The following SEMA3D variants were observed in gnomAD, a reference collection of about 807,000 sequenced individuals.
SEMA3D encodes the protein semaphorin 3D.
A neutral mutation model predicts 100.1 loss-of-function variants in SEMA3D; 84 were observed. The observed-to-expected ratio is 0.84, with a 90% CI of 0.70 to 1.01. SEMA3D has a LOEUF of 1.01. Among genes scored for constraint, SEMA3D ranks in the 50% least tolerant of loss-of-function variants. The probability of loss-of-function intolerance (pLI) is 0.00; values close to 1 mark genes in which losing one functional copy is unlikely to be tolerated. For missense variants in SEMA3D, 875 were observed against 934.1 expected, an observed-to-expected ratio of 0.94 and a Z score of 0.82; for synonymous variants, 312 against 320.7, an observed-to-expected ratio of 0.97 and a Z score of 0.29.
chr7:85,185,415 T>A (rs1466023672), intron 1 of SEMA3D, among the ~76,000 whole-genome samples: 1 of 151,740 alleles, frequency 6.6e-6, no homozygotes, highest in African/African-American at 2.4e-5. Flanking sequence ...AAAGTTTAGG[T>A]CTTCTCCCCT....
the SEMA3D span, among the ~76,000 whole-genome samples, chr7:85,216,230 G>T: frequency 0.31 from 47,666 of 151,802 alleles, 8,324 homozygotes; most frequent in African/African-American, 0.49. Flanking sequence ...CATTCATTTT[G>T]GAGAAAGTTT....
At chr7:85,241,675 A>G in the SEMA3D span, among the ~76,000 whole-genome samples, 1 of 150,926 alleles carries the variant, frequency 6.6e-6, no homozygotes, top group Non-Finnish European at 1.5e-5. Context: ...CAGTGGGGAA[A>G]GGGTAGGAAG....
At chr7:85,112,253 G>T (rs1263419482) in intron 3 of SEMA3D, among the ~76,000 whole-genome samples, 2 of 152,098 alleles carry the variant, frequency 1.3e-5, no homozygotes, top group Admixed American at 6.6e-5. Context: ...TACAGAAAAA[G>T]ATATAGCCTT....
chr7:85,220,742 T>C, the SEMA3D span, among the ~76,000 whole-genome samples: 2 of 152,150 alleles, frequency 1.3e-5, no homozygotes, highest in Non-Finnish European at 2.9e-5. Flanking sequence ...GAAACAGTGC[T>C]ATTTAAAAGA....
Position 85,072,502 on chromosome 7 carries a change from A to C in SEMA3D, c.495+460T>G, listed in dbSNP as rs145809090. On this transcript the variant is annotated intron_variant, in intron 6 of 18. Coordinates refer to ENST00000284136, the MANE Select transcript of SEMA3D (RefSeq NM_001384900.1). ...ACATACTATGTATATCTAGTTAAAA[A>C]GGAAAGTCAAGAGAATATAAAGACA... Among the ~76,000 whole-genome samples, 567 of 152,350 alleles carry C rather than the reference A, an allele frequency of 3.7e-3. 4 individuals are homozygous for C. Among genetic ancestry groups the C allele is most frequent in the African/African-American group, 0.013 (551 of 41,580 alleles).
Position 84,996,288 on chromosome 7 carries a change from A to T in SEMA3D, c.*3152T>A, listed in dbSNP as rs1187987103. The T allele has an allele frequency of 6.6e-6, 1 of 152,054 alleles. No individual in the cohort carries two copies. The highest frequency in any genetic ancestry group is 1.5e-5 in the Non-Finnish European group (1 of 67,894). 9.4% of individuals were successfully genotyped at this position (152,054 alleles called of 1,614,324 possible). ...AGTCTGTAAAATTCAGCAGGAACAA[A>T]ACATACTAGAATATGAAGAACCAAA... On this transcript the variant is annotated 3_prime_UTR_variant, in exon 19 of 19. Transcript: ENST00000284136.
At chr7:85,007,099 T>C (rs1020884568) in intron 17 of SEMA3D, among the ~76,000 whole-genome samples, 158 bp from the exon 18 acceptor site, 1 of 151,906 alleles carries the variant, frequency 6.6e-6, no homozygotes, top group Admixed American at 6.6e-5. Flanking sequence ...GAGACAAATA[T>C]TACACAACAG....
intron 1 of SEMA3D, among the ~76,000 whole-genome samples, chr7:85,185,067 G>A (rs1486168836): frequency 1.3e-5 from 2 of 151,320 alleles, no homozygotes; most frequent in African/African-American, 4.8e-5. Context: ...AGAGAAGAAG[G>A]AAAAGGAGAA....
intron 9 of SEMA3D, among the ~76,000 whole-genome samples, chr7:85,052,099 A>G (rs896127355): frequency 6.6e-6 from 1 of 151,922 alleles, no homozygotes; most frequent in Non-Finnish European, 1.5e-5. Flanking sequence ...AGAAATCTAC[A>G]TATACACCTA....
intron 15 of SEMA3D, 115 bp from the exon 16 acceptor site, chr7:85,015,331 C>T: frequency 3.4e-6 from 3 of 876,342 alleles, no homozygotes; most frequent in South Asian, 3.5e-5. Context: ...GTGTCCTGCC[C>T]ATTGTAAACA....
chr7:85,242,996 T>C, the SEMA3D span, among the ~76,000 whole-genome samples: 2 of 152,084 alleles, frequency 1.3e-5, no homozygotes, highest in African/African-American at 2.4e-5. Context: ...TATTATATAG[T>C]TTTACGGATA....
intron 12 of SEMA3D, chr7:85,029,358 CA>C: frequency 7.5e-7 from 1 of 1,338,614 alleles, no homozygotes; most frequent in Non-Finnish European, 1.1e-6. Flanking sequence ...AGCAGAGGGA[CA>C]AGGTGTCATC....
chr7:85,072,816 G>GCC, intron 6 of SEMA3D, 146 bp downstream of exon 6: 3 of 619,562 alleles, frequency 4.8e-6, no homozygotes, highest in Non-Finnish European at 5.4e-6. Context: ...TCATCCTCCT[G>GCC]AGTATTGGCA....
intron 18 of SEMA3D, among the ~76,000 whole-genome samples, chr7:85,002,165 C>T (rs923485415): frequency 3.9e-5 from 6 of 152,078 alleles, no homozygotes; most frequent in African/African-American, 1.4e-4. Flanking sequence ...CCCCACAGGA[C>T]TCAGGATTCC....
At chr7:85,052,593 A>G (rs1284591876) in intron 9 of SEMA3D, among the ~76,000 whole-genome samples, 1 of 152,004 alleles carries the variant, frequency 6.6e-6, no homozygotes, top group Admixed American at 6.6e-5. Flanking sequence ...GAACTCAACT[A>G]AAGCACCACT....
chr7:85,026,078 A>G (rs1466549467), intron 12 of SEMA3D, among the ~76,000 whole-genome samples: 1 of 152,006 alleles, frequency 6.6e-6, no homozygotes, highest in Non-Finnish European at 1.5e-5. Flanking sequence ...TCTCCATTTT[A>G]GGGAAACATG....
At position 85,084,244 on chromosome 7, in the gene SEMA3D, A is replaced by G. The variant is rs531658797; in HGVS notation, c.313-2665T>C. On this transcript the variant is annotated intron_variant, in intron 4 of 18. Transcript: ENST00000284136. ...TATCCTCTCACTTTTTCCCCCCTCC[A>G]CTGGTCCAATTTTATTATTATTTTT... is the stretch of plus-strand genomic sequence containing the variant. 6.6e-5 allele frequency among the ~76,000 whole-genome samples: 10 copies of G among 152,206 alleles called. No homozygotes were observed. The South Asian group carries it at 1.7e-3, about 25-fold the overall frequency.
intron 4 of SEMA3D, among the ~76,000 whole-genome samples, chr7:85,086,319 C>T (rs545756819): frequency 6.6e-6 from 1 of 151,830 alleles, no homozygotes; most frequent in South Asian, 2.1e-4. Flanking sequence ...TACATACTAC[C>T]TAGTCATTAA....
At chr7:85,185,438 G>A (rs1791512913) in intron 1 of SEMA3D, among the ~76,000 whole-genome samples, 1 of 151,922 alleles carries the variant, frequency 6.6e-6, no homozygotes, top group East Asian at 1.9e-4. Context: ...TCTTTTGCTT[G>A]TGCAAATAGC....
Sources: gnomAD v4.1 joint callset for allele counts (sites outside exome capture counted in the v4.1 genomes callset) on GRCh38, gnomAD v4.1.1 for gene constraint, MANE v1.5 for transcripts, NCBI Gene and HGNC (gene_info 2026-07-23, HGNC 2026-07-21) for gene names.